CNTN6: variants seen among roughly 807,000 people sequenced by gnomAD.
CNTN6 encodes contactin 6.
A neutral mutation model predicts 122.8 loss-of-function variants in CNTN6; 137 were observed. The ratio of observed to expected loss-of-function variants is 1.12; its 90% CI spans 0.97 to 1.29. The LOEUF (loss-of-function observed/expected upper bound fraction) is 1.29, where lower values mean the gene tolerates loss of function less well. Ranked by LOEUF, CNTN6 falls within the 50% of genes most tolerant of loss-of-function variation. The pLI is 0.00. For missense variants in CNTN6, 1,634 were observed against 1,223.4 expected, an observed-to-expected ratio of 1.34 and a Z score of -5.01; for synonymous variants, 570 against 426.0, an observed-to-expected ratio of 1.34 and a Z score of -4.16.
chr3:1,139,348 C>T (rs9841911), intron 1 of CNTN6, among the ~76,000 whole-genome samples: 2 of 151,814 alleles, frequency 1.3e-5, no homozygotes, highest in Non-Finnish European at 2.9e-5. Context: ...TGTACTAAAC[C>T]GCACTGAAAG....
chr3:1,245,302 A>ATATAT (rs375436537), intron 4 of CNTN6, among the ~76,000 whole-genome samples: 136 of 6,174 alleles, frequency 0.022, 18 homozygotes, highest in Non-Finnish European at 0.036. Context: ...TAACATATAT[A>ATATAT]TATATATATA....
At chr3:1,231,480 T>G (rs1054239970) in intron 4 of CNTN6, among the ~76,000 whole-genome samples, 1 of 152,206 alleles carries the variant, frequency 6.6e-6, no homozygotes, top group Non-Finnish European at 1.5e-5. Context: ...TTTGTCACTT[T>G]TATCCTGGTA....
chr3:1,317,259 TA>T (rs1399514395), intron 7 of CNTN6, among the ~76,000 whole-genome samples: 6 of 151,796 alleles, frequency 4.0e-5, no homozygotes, highest in African/African-American at 9.7e-5. Context: ...GTGAGGATTC[TA>T]AAATATCTAG....
intron 1 of CNTN6, among the ~76,000 whole-genome samples, chr3:1,126,611 A>T (rs762154092): frequency 6.6e-6 from 1 of 151,906 alleles, no homozygotes; most frequent in Non-Finnish European, 1.5e-5. Flanking sequence ...GGCAGTGAGC[A>T]TGTTTGCCTT....
chr3:1,327,727 A>G lies in CNTN6; in HGVS notation c.1213+141A>G, dbSNP rs538523209. The G allele has an allele frequency of 2.4e-4, 216 of 910,276 alleles. 2 individuals are homozygous for G. In the East Asian group the frequency reaches 5.2e-3, roughly 22 times the overall value. The allele number at this position is 910,276 out of a possible 1,614,324, so 56.4% of individuals were successfully genotyped here. ...TGGGAAATGTCTAAATTAACTTTTT[A>G]CAAAATTCAAGGTGGTAATTATTAT... is the stretch of plus-strand genomic sequence containing the variant. On this transcript the variant is annotated intron_variant, in intron 10 of 22. Coordinates refer to ENST00000446702, the MANE Select transcript of CNTN6 (RefSeq NM_001289080.2).
intron 5 of CNTN6, among the ~76,000 whole-genome samples, chr3:1,284,624 A>G (rs1208858569): frequency 6.6e-6 from 1 of 152,238 alleles, no homozygotes; most frequent in Non-Finnish European, 1.5e-5. Context: ...CAAAGTTTTT[A>G]GCTCCATGAA....
At chr3:1,135,923 C>T (rs978996693) in intron 1 of CNTN6, among the ~76,000 whole-genome samples, 2 of 152,030 alleles carry the variant, frequency 1.3e-5, no homozygotes, top group African/African-American at 4.8e-5. Context: ...ACCTGGGAGG[C>T]GGAGGTTGCC....
intron 2 of CNTN6, among the ~76,000 whole-genome samples, chr3:1,165,343 A>G (rs535247400): frequency 6.6e-6 from 1 of 152,222 alleles, no homozygotes; most frequent in East Asian, 1.9e-4. Context: ...CATTACACCA[A>G]TAGGAAATCA....
chr3:1,344,360 A>G (rs1704343873), intron 11 of CNTN6, among the ~76,000 whole-genome samples: 1 of 152,154 alleles, frequency 6.6e-6, no homozygotes, highest in African/African-American at 2.4e-5. Context: ...CAGGCTGTAT[A>G]GAGAAACCAC....
intron 2 of CNTN6, among the ~76,000 whole-genome samples, chr3:1,186,143 C>G (rs895273407): frequency 6.6e-6 from 1 of 151,942 alleles, no homozygotes; most frequent in African/African-American, 2.4e-5. Flanking sequence ...AAATTAAATT[C>G]TCAGAGAAGA....
chr3:1,200,404 G>C (rs1035991013), intron 2 of CNTN6, among the ~76,000 whole-genome samples: 4 of 152,174 alleles, frequency 2.6e-5, no homozygotes, highest in South Asian at 2.1e-4. Flanking sequence ...TAGTCTCACT[G>C]TGTAGTTGAA....
chr3:1,371,690 G>A (rs1163511152), intron 12 of CNTN6, among the ~76,000 whole-genome samples: 1 of 152,064 alleles, frequency 6.6e-6, no homozygotes, highest in Non-Finnish European at 1.5e-5. Context: ...CTAGAGGGAA[G>A]GTTTTTATGA....
At chr3:1,131,035 T>G (rs1010227) in intron 1 of CNTN6, among the ~76,000 whole-genome samples, 62,489 of 151,996 alleles carry the variant, frequency 0.41, 13,007 homozygotes, top group East Asian at 0.46. Flanking sequence ...TATCAGGTTG[T>G]TCCAGCGAAA....
intron 4 of CNTN6, among the ~76,000 whole-genome samples, chr3:1,238,845 C>T (rs951523447): frequency 6.6e-6 from 1 of 151,962 alleles, no homozygotes; most frequent in African/African-American, 2.4e-5. Flanking sequence ...AATGATCAAA[C>T]AAAAAGCTGC....
intron 4 of CNTN6, among the ~76,000 whole-genome samples, chr3:1,273,593 G>C (rs1691775125): frequency 6.6e-6 from 1 of 152,166 alleles, no homozygotes; most frequent in African/African-American, 2.4e-5. Flanking sequence ...ATGGTACATA[G>C]TTTAAATAAG....
At chr3:1,309,862 C>A (rs1698959846) in intron 7 of CNTN6, among the ~76,000 whole-genome samples, 1 of 152,066 alleles carries the variant, frequency 6.6e-6, no homozygotes, top group Non-Finnish European at 1.5e-5. Flanking sequence ...TTTATATAAA[C>A]CCTAGAATTT....
At chr3:1,376,832 C>T (rs1341254628) in intron 16 of CNTN6, among the ~76,000 whole-genome samples, 173 bp from the exon 17 acceptor site, 2 of 152,120 alleles carry the variant, frequency 1.3e-5, no homozygotes, top group Non-Finnish European at 2.9e-5. Flanking sequence ...ACTGTGTCCT[C>T]TCTCTTAGAA....
chr3:1,377,805 G>C (rs913794537), intron 17 of CNTN6, among the ~76,000 whole-genome samples: 12 of 152,180 alleles, frequency 7.9e-5, no homozygotes, highest in Non-Finnish European at 1.6e-4. Flanking sequence ...TAGAAGGTTG[G>C]TGTTGGTAGG....
chr3:1,197,092 G>C (rs2093788327), intron 2 of CNTN6, among the ~76,000 whole-genome samples: 1 of 152,152 alleles, frequency 6.6e-6, no homozygotes, highest in Admixed American at 6.5e-5. Context: ...TAATTCCCAA[G>C]CTCTCCTCTT....
Sources: gnomAD v4.1 joint callset for allele counts (sites outside exome capture counted in the v4.1 genomes callset) on GRCh38, gnomAD v4.1.1 for gene constraint, MANE v1.5 for transcripts, NCBI Gene and HGNC (gene_info 2026-07-23, HGNC 2026-07-21) for gene names.